Variants in MYO16 observed in about 807,000 individuals in gnomAD.
MYO16 encodes unconventional myosin-XVI.
MYO16 carries 94 observed loss-of-function variants against 205.3 expected under a neutral mutation model. That is an observed-to-expected ratio of 0.46 (90% CI 0.39 to 0.54). The LOEUF is 0.54. Among genes scored for constraint, MYO16 ranks in the 20% least tolerant of loss-of-function variants. The pLI, the probability that MYO16 is intolerant of heterozygous loss-of-function variation, is 0.00. For synonymous variants in MYO16, 988 were observed against 954.0 expected (o/e 1.04, Z -0.66); for missense variants, 2,315 against 2,387.5 (o/e 0.97, Z 0.63).
intron 16 of MYO16, among the ~76,000 whole-genome samples, chr13:108,922,446 C>T (rs1018769346): frequency 4.6e-5 from 7 of 152,290 alleles, no homozygotes; most frequent in South Asian, 2.1e-4. Context: ...CCCTCTTTCA[C>T]GTCTTCCCTG....
the MYO16 span, among the ~76,000 whole-genome samples, chr13:108,543,596 T>C: frequency 2.8e-4 from 41 of 145,146 alleles, no homozygotes; most frequent in East Asian, 7.3e-3. Context: ...GAACCGAGAT[T>C]GTGCCACTGC....
chr13:108,722,608 C>T (rs143239969), intron 3 of MYO16, among the ~76,000 whole-genome samples: 2,337 of 152,118 alleles, frequency 0.015, 112 homozygotes, highest in Admixed American at 0.083. Flanking sequence ...AGGTGCAGGT[C>T]GAGGATATCT....
Position 109,141,252 on chromosome 13 carries a change from G to A in MYO16, c.5040G>A (p.Ala1680=), listed in dbSNP as rs571697070. 1.9e-6 allele frequency: 3 copies of A among 1,604,930 alleles called. No homozygotes were observed. Among genetic ancestry groups the A allele is most frequent in the Non-Finnish European group, 2.6e-6 (3 of 1,175,812 alleles). The stretch of plus-strand genomic sequence containing the variant: ...CCGGCTCCAGTGCCTCGCCCCCCGC[G>A]CCCTACAGCCCTCCCAGCTCCAGGC... The part of the protein sequence containing the change: ...RKAGSSASPP[A]PYSPPSSRPL... Residue 1680 remains alanine, a synonymous_variant, in exon 32 of 35, where the codon GCG becomes GCA. Transcript: ENST00000457511. The surrounding 1 kb of genome is among the most constrained non-coding windows in gnomAD (Gnocchi z 4.1).
At chr13:108,741,032 C>T (rs966973894) in intron 4 of MYO16, among the ~76,000 whole-genome samples, 2 of 152,150 alleles carry the variant, frequency 1.3e-5, no homozygotes, top group African/African-American at 4.8e-5. Flanking sequence ...TGCTGTCTGT[C>T]ATGGCTTCCC....
rs368194810 is a variant in MYO16, at chr13:109,015,556, C to T, written c.2596-4155C>T. On this transcript the variant is annotated intron_variant, in intron 22 of 34. Transcript: ENST00000457511. The stretch of plus-strand genomic sequence containing the variant: ...GGAATGGTACCAGCTCCTCTCTGTA[C>T]CTCTGGTAGAATTTGGCTGTGAATC... Among the ~76,000 whole-genome samples the T allele has an allele frequency of 1.7e-3, 252 of 152,250 alleles. 10 individuals carry two copies. In the South Asian group the frequency reaches 0.05, roughly 30 times the overall value.
At chr13:108,831,268 G>A (rs949351419) in intron 9 of MYO16, among the ~76,000 whole-genome samples, 2 of 152,066 alleles carry the variant, frequency 1.3e-5, no homozygotes, top group Non-Finnish European at 2.9e-5. Flanking sequence ...AGAGTTGCCA[G>A]GTAAAATGCA....
chr13:108,587,687 CCA>C, the MYO16 span, among the ~76,000 whole-genome samples: 1 of 152,106 alleles, frequency 6.6e-6, no homozygotes, highest in East Asian at 1.9e-4. Flanking sequence ...TATTTTTCCA[CCA>C]CACAACATTA....
chr13:109,166,265 AT>A (rs1395047676), intron 33 of MYO16, among the ~76,000 whole-genome samples: 1 of 152,248 alleles, frequency 6.6e-6, no homozygotes, highest in Non-Finnish European at 1.5e-5. Context: ...CTATAAGGAA[AT>A]CGTCAAATGG....
the MYO16 span, among the ~76,000 whole-genome samples, chr13:108,580,300 A>G: frequency 6.6e-6 from 1 of 152,200 alleles, no homozygotes; most frequent in Non-Finnish European, 1.5e-5. Context: ...TATGCTTAAA[A>G]TTCTTCAGGT....
the MYO16 span, among the ~76,000 whole-genome samples, chr13:108,502,391 A>C: frequency 6.6e-6 from 1 of 152,220 alleles, no homozygotes; most frequent in African/African-American, 2.4e-5. Context: ...AAGTAATGTA[A>C]GTAAAGTTAA....
chr13:108,500,240 TGTTTTTTTTTTTTG>T, the MYO16 span, among the ~76,000 whole-genome samples: 2 of 7,878 alleles, frequency 2.5e-4, no homozygotes, highest in Non-Finnish European at 6.3e-4. Context: ...TTGTTTTTTT[TGTTTTTTTTTTTTG>T]AGACGGAGTC....
the MYO16 span, among the ~76,000 whole-genome samples, chr13:108,501,130 G>T: frequency 0.036 from 5,519 of 152,158 alleles, 114 homozygotes; most frequent in South Asian, 0.065. Flanking sequence ...GCCCATCTTC[G>T]CTGTTAACCC....
chr13:108,889,070 A>G (rs1594372535), intron 14 of MYO16, among the ~76,000 whole-genome samples: 1 of 151,926 alleles, frequency 6.6e-6, no homozygotes, highest in Non-Finnish European at 1.5e-5. Context: ...AAAGAAAAGA[A>G]AAAGAAAGTG....
At chr13:108,675,756 G>A (rs1010962580) in intron 2 of MYO16, among the ~76,000 whole-genome samples, 4 of 152,118 alleles carry the variant, frequency 2.6e-5, no homozygotes, top group East Asian at 1.9e-4. Flanking sequence ...CGATGGAGCC[G>A]GAAGAAAGCA....
chr13:108,951,623 C>T (rs1313696622), intron 16 of MYO16, among the ~76,000 whole-genome samples: 4 of 152,080 alleles, frequency 2.6e-5, no homozygotes, highest in African/African-American at 9.7e-5. Context: ...GGAGAAATAA[C>T]CATGCAATTA....
intron 12 of MYO16, among the ~76,000 whole-genome samples, chr13:108,869,597 G>GGCGGGCGTCTGTAGTCCCA (rs1878926240): frequency 6.6e-6 from 1 of 150,444 alleles, no homozygotes. Context: ...CGGGCGTCGT[G>GGCGGGCGTCTGTAGTCCCA]GCGGGCGTCT....
In MYO16 at chr13:108,962,807, T is replaced by C. The variant is rs147080235; in HGVS notation, c.2227+312T>C. ...TTGCATGTGTGGTGCCATGCTGCAC[T>C]CTTCAATGAAGGACCAACCTTTTCC... is the stretch of plus-strand genomic sequence containing the variant. On this transcript the variant is annotated intron_variant, in intron 19 of 34. Transcript: ENST00000457511. Among the ~76,000 whole-genome samples the C allele has an allele frequency of 2.6e-5, 4 of 152,364 alleles. No individual in the cohort carries two copies. The East Asian group carries it at 7.7e-4, about 29-fold the overall frequency.
At chr13:108,518,416 A>G in the MYO16 span, among the ~76,000 whole-genome samples, 1 of 152,196 alleles carries the variant, frequency 6.6e-6, no homozygotes, top group Non-Finnish European at 1.5e-5. Context: ...TCTGCCTGAG[A>G]TGTCTAAGAT....
At chr13:108,754,679 A>G (rs1245781521) in intron 4 of MYO16, among the ~76,000 whole-genome samples, 1 of 152,188 alleles carries the variant, frequency 6.6e-6, no homozygotes, top group African/African-American at 2.4e-5. Context: ...TCCTCTTCCT[A>G]GCTGTGTGGC....
Sources: allele counts gnomAD v4.1 joint callset (sites outside exome capture counted in the v4.1 genomes callset), GRCh38; gene constraint gnomAD v4.1.1; non-coding constraint Gnocchi (gnomAD v3.1); transcripts MANE v1.5; gene names NCBI Gene and HGNC (gene_info 2026-07-23, HGNC 2026-07-21).